NDST4: variants seen among roughly 807,000 people sequenced by gnomAD.
The protein encoded by NDST4 is N-deacetylase and N-sulfotransferase 4.
In NDST4, 63 loss-of-function variants were observed where a neutral mutation model predicts 100.8. The observed-to-expected ratio is 0.62, with a 90% CI of 0.51 to 0.77. The LOEUF (loss-of-function observed/expected upper bound fraction) is 0.77, where lower values mean the gene tolerates loss of function less well. NDST4 is among the 30% of genes least tolerant of loss of function. The pLI, the probability that NDST4 is intolerant of heterozygous loss-of-function variation, is 0.00. For missense variants in NDST4, 943 were observed against 1,018.4 expected (o/e 0.93, Z 1.01); for synonymous variants, 377 against 361.8 (o/e 1.04, Z -0.48).
chr4:115,108,739 C>T (rs1054031021), intron 1 of NDST4, among the ~76,000 whole-genome samples: 4 of 151,848 alleles, frequency 2.6e-5, no homozygotes, highest in African/African-American at 9.7e-5. Context: ...ATCACTATTT[C>T]TCTGAAATAA....
At chr4:115,011,180 A>G (rs1406618740) in intron 2 of NDST4, among the ~76,000 whole-genome samples, 2 of 151,978 alleles carry the variant, frequency 1.3e-5, no homozygotes, top group African/African-American at 4.8e-5. Context: ...AAGGAATAAT[A>G]TGCTTATCTT....
chr4:115,066,580 C>T (rs1014266227), intron 2 of NDST4, among the ~76,000 whole-genome samples: 3 of 152,128 alleles, frequency 2.0e-5, no homozygotes, highest in Non-Finnish European at 4.4e-5. Context: ...CAAAATTCTA[C>T]TTACTAAAAC....
intron 2 of NDST4, among the ~76,000 whole-genome samples, chr4:114,981,261 G>A (rs1726765838): frequency 6.7e-6 from 1 of 149,254 alleles, no homozygotes; most frequent in Non-Finnish European, 1.5e-5. Flanking sequence ...AAGGAAGGAA[G>A]GAAGGAAGAA....
At chr4:115,067,484 T>C (rs1312516241) in intron 2 of NDST4, among the ~76,000 whole-genome samples, 2 of 152,100 alleles carry the variant, frequency 1.3e-5, no homozygotes, top group Non-Finnish European at 2.9e-5. Flanking sequence ...TAATGTCTTA[T>C]TTTCTAAAGA....
At position 114,847,471 on chromosome 4, in the gene NDST4, C is replaced by CTGCAG. The variant is rs1350339256; in HGVS notation, c.1940+739_1940+743dup. Among the ~76,000 whole-genome samples the CTGCAG allele has an allele frequency of 3.5e-5, 5 of 140,964 alleles. No individual in the cohort carries two copies. In the East Asian group the frequency reaches 1.2e-3, roughly 33 times the overall value. 92.5% of individuals were successfully genotyped at this position (140,964 alleles called of 152,430 possible). On this transcript the variant is annotated intron_variant, in intron 9 of 13. Coordinates refer to ENST00000264363, the MANE Select transcript of NDST4 (RefSeq NM_022569.3). Reference sequence around the variant, plus strand: ...TGATGATGACACACAAACTTACATGCTGCAGATGTGTGCATTGAGGGGAAT... The same window carrying CTGCAG: ...TGATGATGACACACAAACTTACATGCTGCAGTGCAGATGTGTGCATTGAGGGGAAT...
intron 6 of NDST4, among the ~76,000 whole-genome samples, chr4:114,915,463 A>G (rs1273047990): frequency 2.0e-5 from 3 of 152,198 alleles, no homozygotes; most frequent in Admixed American, 6.5e-5. Context: ...TAATCTTGTT[A>G]ACAGTCAAAA....
chr4:115,019,494 T>C (rs1175990101), intron 2 of NDST4, among the ~76,000 whole-genome samples: 1 of 152,136 alleles, frequency 6.6e-6, no homozygotes, highest in Non-Finnish European at 1.5e-5. Flanking sequence ...ATCTCTAAAA[T>C]GCCCGGAGAA....
chr4:114,943,067 A>G (rs1232489212), intron 4 of NDST4, among the ~76,000 whole-genome samples: 2 of 147,116 alleles, frequency 1.4e-5, no homozygotes, highest in Non-Finnish European at 3.0e-5. Flanking sequence ...ATATTAATTT[A>G]TATATTATAT....
intron 4 of NDST4, among the ~76,000 whole-genome samples, chr4:114,940,117 C>T (rs956633750): frequency 5.3e-5 from 8 of 152,046 alleles, no homozygotes; most frequent in South Asian, 2.1e-4. Context: ...AATATAGACA[C>T]GTAAATGACA....
intron 6 of NDST4, among the ~76,000 whole-genome samples, chr4:114,925,641 A>C (rs1280590847): frequency 6.6e-6 from 1 of 152,178 alleles, no homozygotes; most frequent in African/African-American, 2.4e-5. Flanking sequence ...AATTTCAAGT[A>C]CACCACTCTT....
chr4:114,838,755 A>T (rs1281942204), intron 11 of NDST4, among the ~76,000 whole-genome samples: 1 of 151,834 alleles, frequency 6.6e-6, no homozygotes, highest in Non-Finnish European at 1.5e-5. Context: ...ACCGTGGCAC[A>T]TGTATACTTA....
intron 1 of NDST4, among the ~76,000 whole-genome samples, chr4:115,082,876 T>A (rs1401762106): frequency 6.6e-6 from 1 of 152,178 alleles, no homozygotes; most frequent in Admixed American, 6.5e-5. Flanking sequence ...AAGTTTTATT[T>A]TAATTTTAAA....
chr4:114,950,547 G>A (rs1486086977), intron 4 of NDST4, among the ~76,000 whole-genome samples: 1 of 152,002 alleles, frequency 6.6e-6, no homozygotes, highest in Admixed American at 6.6e-5. Context: ...CTGTAAAAAT[G>A]TAAAACTTAC....
At position 114,833,633 on chromosome 4, in the gene NDST4, G is replaced by T. The variant is rs901498965; in HGVS notation, c.2369C>A (p.Pro790His). ...DEVQKFLGVT[P>H]RYNYSEALTF... ...TAGTGCTTCAGAGTAATTATAACGA[G>T]GTGTAACTCCCAGAAACTTCTGGAC... The change falls in exon 12 of 14, where the codon CCT becomes CAT. Residue 790 changes from proline to histidine, a missense_variant. Around this residue, in one of 2 missense-constraint regions of NDST4, gnomAD observed 526 missense variants for 634.1 expected, o/e 0.83. Transcript: ENST00000264363. 1.2e-6 allele frequency: 2 copies of T among 1,611,656 alleles called. No homozygotes were observed. Among genetic ancestry groups the T allele is most frequent in the Admixed American group, 3.3e-5 (2 of 59,878 alleles).
At chr4:114,977,355 A>T in intron 2 of NDST4, 81 bp from the exon 3 acceptor site, 1 of 852,274 alleles carries the variant, frequency 1.2e-6, no homozygotes, top group Non-Finnish European at 1.9e-6. Flanking sequence ...ATGTGTATGC[A>T]TGAGTAAAAC....
chr4:114,977,366 A>T (rs13115130), intron 2 of NDST4, 92 bp from the exon 3 acceptor site: 327,339 of 696,914 alleles, frequency 0.47, 85,792 homozygotes, highest in Non-Finnish European at 0.57. Context: ...TGAGTAAAAC[A>T]AAATGATATG....
intron 2 of NDST4, among the ~76,000 whole-genome samples, chr4:115,019,598 G>A (rs896219614): frequency 8.6e-5 from 13 of 152,044 alleles, no homozygotes; most frequent in South Asian, 2.1e-4. Flanking sequence ...TGAAGTCGTC[G>A]GGGCATAAAA....
Position 114,870,939 on chromosome 4 carries a change from G to A in NDST4, c.1548C>T (p.Phe516=), listed in dbSNP as rs1315494489. ...LTILLNPISI[F]MTHLSNYGND... is the part of the protein sequence containing the mutation. ...TTCCATAGTTTGATAAATGGGTCAT[G>A]AAAATGCTGATCTGAAAGATAAATA... The change falls in exon 7 of 14, where the codon TTC becomes TTT. Residue 516 remains phenylalanine (F), a synonymous_variant. Coordinates refer to ENST00000264363, the MANE Select transcript of NDST4 (RefSeq NM_022569.3). 1 of 1,599,364 alleles carries A rather than the reference G, an allele frequency of 6.3e-7. No individual in the cohort carries two copies. Among genetic ancestry groups the A allele is most frequent in the Non-Finnish European group, 8.5e-7 (1 of 1,174,432 alleles).
At position 114,870,845 on chromosome 4, in the gene NDST4, A is replaced by G. The variant is rs971929072; in HGVS notation, c.1642T>C (p.Leu548=). ...NFVQSWTNLK[L]QTLPPVQLAH... Reference sequence around the variant, plus strand: ...AGTTGCACTGGAGGCAGAGTTTGCAATTTCAGGTTGGTCCAGCTCTGCACA... The same window carrying G: ...AGTTGCACTGGAGGCAGAGTTTGCAGTTTCAGGTTGGTCCAGCTCTGCACA... The change falls in exon 7 of 14, where the codon TTG becomes CTG. Residue 548 remains leucine (L), a synonymous_variant. Transcript: ENST00000264363. The G allele has an allele frequency of 6.2e-7, 1 of 1,612,960 alleles. No individual in the cohort carries two copies. Among genetic ancestry groups the G allele is most frequent in the Non-Finnish European group, 8.5e-7 (1 of 1,179,362 alleles).
Sources: allele counts gnomAD v4.1 joint callset (sites outside exome capture counted in the v4.1 genomes callset), GRCh38; gene constraint gnomAD v4.1.1; regional missense constraint gnomAD v4.1.1; transcripts MANE v1.5; gene names NCBI Gene and HGNC (gene_info 2026-07-23, HGNC 2026-07-21).